ABL1: variants seen among roughly 807,000 people sequenced by gnomAD.
The protein encoded by ABL1 is tyrosine-protein kinase ABL1.
ABL1 carries 11 observed loss-of-function variants against 94.7 expected under a neutral mutation model. That is an observed-to-expected ratio of 0.12 (90% CI 0.07 to 0.19). ABL1 has a LOEUF of 0.19. ABL1 is among the 10% of genes least tolerant of loss of function. ABL1 has a pLI of 1.00. For synonymous variants in ABL1, 656 were observed against 622.4 expected, an observed-to-expected ratio of 1.05 and a Z score of -0.80; for missense variants, 1,082 against 1,489.4, an observed-to-expected ratio of 0.73 and a Z score of 4.50.
chr9:130,838,093 ATATAGT>A (rs1320713477), intron 1 of ABL1, among the ~76,000 whole-genome samples: 1 of 152,226 alleles, frequency 6.6e-6, no homozygotes, highest in African/African-American at 2.4e-5. Context: ...ATGTGATCTG[ATATAGT>A]TATATTTCAT....
At chr9:130,729,443 A>G (rs1831633505) in intron 1 of ABL1, among the ~76,000 whole-genome samples, 1 of 152,020 alleles carries the variant, frequency 6.6e-6, no homozygotes, top group East Asian at 1.9e-4. Flanking sequence ...GCATCCTCAA[A>G]TCCAAGTCTT....
chr9:130,873,418 G>A lies in ABL1; in HGVS notation c.1085+381G>A, dbSNP rs185439527. ...GTTCCTCCGGGGCCAGCGCCCAGCA[G>A]TAATGGCCTCTTCCTGGGAGCCGCT... is the stretch of plus-strand genomic sequence containing the variant. On this transcript the variant is annotated intron_variant, in intron 6 of 10. Coordinates refer to ENST00000318560, the MANE Select transcript of ABL1 (RefSeq NM_005157.6). Among the ~76,000 whole-genome samples the A allele has an allele frequency of 4.3e-3, 653 of 152,384 alleles. 4 individuals are homozygous for A. Among genetic ancestry groups the A allele is most frequent in the African/African-American group, 0.015 (629 of 41,584 alleles).
At chr9:130,805,513 T>A (rs964217498) in intron 1 of ABL1, among the ~76,000 whole-genome samples, 1 of 152,342 alleles carries the variant, frequency 6.6e-6, no homozygotes, top group East Asian at 1.9e-4. Flanking sequence ...ATATTCATAA[T>A]GACAGAACAA....
At position 130,884,117 on chromosome 9, in the gene ABL1, G is replaced by A. The variant is rs2133034825; in HGVS notation, c.1827G>A (p.Lys609=). ...LFSALIKKKK[K]TAPTPPKRSS... is the part of the protein sequence containing the mutation. ...GCGCCTTGATCAAGAAGAAGAAGAA[G>A]ACAGCCCCAACCCCTCCCAAACGCA... The change falls in exon 11 of 11, where the codon AAG becomes AAA. Residue 609 remains lysine, a synonymous_variant. Transcript: ENST00000318560. This position sits in a 1 kb window ranked among gnomAD's most constrained non-coding sequence, Gnocchi z 5.6. The A allele has an allele frequency of 1.9e-6, 3 of 1,613,780 alleles. No homozygotes were observed. Among genetic ancestry groups the A allele is most frequent in the Non-Finnish European group, 2.5e-6 (3 of 1,180,054 alleles).
chr9:130,775,835 T>G (rs1832304631), intron 1 of ABL1, among the ~76,000 whole-genome samples: 1 of 152,008 alleles, frequency 6.6e-6, no homozygotes. Context: ...AGAAACTGAT[T>G]ACCTCCCAAG....
rs758306778 is a variant in ABL1, at chr9:130,863,080, C to G, written c.822+45C>G. On this transcript the variant is annotated intron_variant, in intron 4 of 10. Coordinates refer to ENST00000318560, the MANE Select transcript of ABL1 (RefSeq NM_005157.6). This position sits in a 1 kb window ranked among gnomAD's most constrained non-coding sequence, Gnocchi z 4.3. The stretch of plus-strand genomic sequence containing the variant: ...GGTGCCCAGGGTACGTGGGGCAAGG[C>G]GTCTGCTGGCATTAGGCGATGCATC... 1 of 1,535,026 alleles carries G rather than the reference C, an allele frequency of 6.5e-7. No homozygotes were observed. Among genetic ancestry groups the G allele is most frequent in the African/African-American group, 1.4e-5 (1 of 73,412 alleles).
At chr9:130,798,478 G>C (rs1322376988) in intron 1 of ABL1, among the ~76,000 whole-genome samples, 1 of 152,172 alleles carries the variant, frequency 6.6e-6, no homozygotes. Flanking sequence ...GAGTGCAGAG[G>C]AGGCATGCTG....
intron 1 of ABL1, among the ~76,000 whole-genome samples, chr9:130,802,095 C>CTTTTTTTTTTTTTTTTTTTTTTTTTTTT (rs3085157): frequency 7.6e-6 from 1 of 132,094 alleles, no homozygotes; most frequent in Non-Finnish European, 1.6e-5. Context: ...TTCCTTCAGT[C>CTTTTTTTTTTTTTTTTTTTTTTTTTTTT]TTTTTTTTTT....
upstream of ABL1, among the ~76,000 whole-genome samples, chr9:130,830,711 G>A (rs187309154): frequency 2.0e-5 from 3 of 152,208 alleles, no homozygotes; most frequent in East Asian, 3.9e-4. Flanking sequence ...ACTGTTTATC[G>A]AGCACCTTCT....
At position 130,818,922 on chromosome 9, in the gene ABL1, A is replaced by G. The variant is rs575548717; in HGVS notation, c.137-35142A>G. Reference sequence around the variant, plus strand: ...CGCTTTCCTAACACCTGCAGGCAGAACTAACCACTCTGGGCCCCTGTAGCT... The same window carrying G: ...CGCTTTCCTAACACCTGCAGGCAGAGCTAACCACTCTGGGCCCCTGTAGCT... On this transcript the variant is annotated intron_variant, in intron 1 of 10. Transcript: ENST00000372348. Among the ~76,000 whole-genome samples, 3 of 152,304 alleles carry G rather than the reference A, an allele frequency of 2.0e-5. No individual in the cohort carries two copies. The South Asian group carries it at 6.2e-4, about 32-fold the overall frequency.
At chr9:130,780,906 T>G (rs1829746614) in intron 1 of ABL1, among the ~76,000 whole-genome samples, 1 of 152,236 alleles carries the variant, frequency 6.6e-6, no homozygotes, top group East Asian at 1.9e-4. Flanking sequence ...CAGACCCTAA[T>G]GAAACTGAAA....
chr9:130,722,965 T>A (rs1237324321), intron 1 of ABL1, among the ~76,000 whole-genome samples: 1 of 152,130 alleles, frequency 6.6e-6, no homozygotes, highest in Non-Finnish European at 1.5e-5. Context: ...AACACACTGA[T>A]GTGTTGTGAA....
At chr9:130,766,106 T>C (rs1372725057) in intron 1 of ABL1, among the ~76,000 whole-genome samples, 1 of 152,220 alleles carries the variant, frequency 6.6e-6, no homozygotes, top group African/African-American at 2.4e-5. Flanking sequence ...AAACTGCTGC[T>C]CAGGAGCTTG....
In ABL1 at chr9:130,771,412, AT is replaced by A. The variant is rs557575909; in HGVS notation, c.136+56961del. ...TTTTTTAGGGAAGTAGGGTCCTGTC[AT>A]TTTATTAGCTTGATAACTTATACAG... On this transcript the variant is annotated intron_variant, in intron 1 of 10. Transcript: ENST00000372348. 2.4e-3 allele frequency among the ~76,000 whole-genome samples: 362 copies of A among 152,232 alleles called. 1 individual carries two copies. The highest frequency in any genetic ancestry group is 5.0e-3 in the South Asian group (24 of 4,822).
intron 1 of ABL1, among the ~76,000 whole-genome samples, chr9:130,747,185 G>GC (rs1831898610): frequency 6.6e-6 from 1 of 152,086 alleles, no homozygotes; most frequent in African/African-American, 2.4e-5. Context: ...GACCAGCCTG[G>GC]GCAACATGGT....
chr9:130,808,225 T>TCTC (rs1830155052), intron 1 of ABL1, among the ~76,000 whole-genome samples: 1 of 132,828 alleles, frequency 7.5e-6, no homozygotes, highest in South Asian at 2.2e-4. Flanking sequence ...TTCTTCTTCT[T>TCTC]CTTCTTCTTC....
At position 130,860,574 on chromosome 9, in the gene ABL1, C is replaced by T. The variant is rs79913225; in HGVS notation, c.550-2189C>T. Among the ~76,000 whole-genome samples, 56 of 152,284 alleles carry T rather than the reference C, an allele frequency of 3.7e-4. 1 individual carries two copies. The East Asian group carries it at 7.7e-3, about 21-fold the overall frequency. ...TTTGAGGCCCATGTGCTTCCTGCTC[C>T]GACGGGAGAGAGGGATAATGAGACT... is the stretch of plus-strand genomic sequence containing the variant. On this transcript the variant is annotated intron_variant, in intron 3 of 10. Coordinates refer to ENST00000318560, the MANE Select transcript of ABL1 (RefSeq NM_005157.6).
chr9:130,789,921 A>G (rs532798898), intron 1 of ABL1, among the ~76,000 whole-genome samples: 1 of 152,368 alleles, frequency 6.6e-6, no homozygotes, highest in Admixed American at 6.5e-5. Context: ...TCAGAGATAT[A>G]GTGAGAAGGT....
chr9:130,863,042 T>G lies in ABL1; in HGVS notation c.822+7T>G, dbSNP rs1371599982. ...GGCCGTGAAGACCTTGAAGGTAGGC[T>G]GGGACTGCCGGGGGTGCCCAGGGTA... is the stretch of plus-strand genomic sequence containing the variant. On this transcript the variant is annotated splice_region_variant and intron_variant, in intron 4 of 10. Transcript: ENST00000318560. This position sits in a 1 kb window ranked among gnomAD's most constrained non-coding sequence, Gnocchi z 4.3. The G allele has an allele frequency of 6.3e-7, 1 of 1,589,380 alleles. No individual in the cohort carries two copies. Among genetic ancestry groups the G allele is most frequent in the East Asian group, 2.2e-5 (1 of 44,512 alleles).
Sources: gnomAD v4.1 joint callset for allele counts (sites outside exome capture counted in the v4.1 genomes callset) on GRCh38, gnomAD v4.1.1 for gene constraint, Gnocchi (gnomAD v3.1) non-coding constraint, MANE v1.5 for transcripts, NCBI Gene and HGNC (gene_info 2026-07-23, HGNC 2026-07-21) for gene names.